Variants in CLEC16A observed in about 807,000 individuals in gnomAD.
CLEC16A encodes the protein C-type lectin domain containing 16A.
In CLEC16A, 51 loss-of-function variants were observed where a neutral mutation model predicts 109.5. The observed-to-expected ratio is 0.47, with a 90% CI of 0.37 to 0.59. The LOEUF (loss-of-function observed/expected upper bound fraction) is 0.59. Ranked by LOEUF, CLEC16A falls within the 20% of genes least tolerant of loss-of-function variation. The pLI, the probability that CLEC16A is intolerant of heterozygous loss-of-function variation, is 0.00. For missense variants in CLEC16A, 1,339 were observed against 1,394.0 expected (o/e 0.96, Z 0.63); for synonymous variants, 673 against 564.2 (o/e 1.19, Z -2.73).
intron 23 of CLEC16A, among the ~76,000 whole-genome samples, chr16:11,175,230 A>G (rs1328319502): frequency 6.6e-6 from 1 of 152,164 alleles, no homozygotes; most frequent in African/African-American, 2.4e-5. Context: ...GGCCAGGCAC[A>G]TGGGGGACCT....
chr16:11,033,387 A>G (rs146120429), intron 13 of CLEC16A, among the ~76,000 whole-genome samples: 9 of 152,154 alleles, frequency 5.9e-5, no homozygotes, highest in African/African-American at 1.7e-4. Context: ...ACTAACAAGC[A>G]TGGGCCTTGG....
chr16:11,095,307 G>T (rs866302594), intron 19 of CLEC16A, among the ~76,000 whole-genome samples: 1 of 152,182 alleles, frequency 6.6e-6, no homozygotes, highest in African/African-American at 2.4e-5. Context: ...CAGGGGTCAC[G>T]GCTGGAAAGG....
chr16:11,165,377 A>G (rs1391993804), intron 22 of CLEC16A, among the ~76,000 whole-genome samples: 2 of 152,080 alleles, frequency 1.3e-5, no homozygotes, highest in Admixed American at 6.5e-5. Flanking sequence ...CTGTAGTCCC[A>G]GCTGCTCAAG....
intron 18 of CLEC16A, among the ~76,000 whole-genome samples, chr16:11,058,051 G>C (rs1433887783): frequency 2.0e-5 from 3 of 152,204 alleles, no homozygotes; most frequent in African/African-American, 7.2e-5. Context: ...GCTTTCTTTT[G>C]TGAATTTACA....
At chr16:11,135,104 C>G (rs2053479741) in intron 22 of CLEC16A, among the ~76,000 whole-genome samples, 1 of 152,240 alleles carries the variant, frequency 6.6e-6, no homozygotes, top group Non-Finnish European at 1.5e-5. Context: ...AAAATCCTGC[C>G]TGAACAAAAG....
intron 11 of CLEC16A, among the ~76,000 whole-genome samples, chr16:11,012,061 G>A: frequency 6.6e-6 from 1 of 151,978 alleles, no homozygotes; most frequent in South Asian, 2.1e-4. Flanking sequence ...CCCATATAGA[G>A]GATATATAGC....
intron 10 of CLEC16A, among the ~76,000 whole-genome samples, chr16:10,993,920 G>A (rs1447759277): frequency 1.3e-5 from 2 of 152,222 alleles, no homozygotes; most frequent in Non-Finnish European, 2.9e-5. Context: ...GATGGGGAAG[G>A]CAAGGGAGAG....
intron 19 of CLEC16A, among the ~76,000 whole-genome samples, chr16:11,115,427 A>C (rs1377802758): frequency 6.6e-6 from 1 of 152,146 alleles, no homozygotes; most frequent in Non-Finnish European, 1.5e-5. Flanking sequence ...ACCGGAGTTC[A>C]GTGGTGTGAT....
At chr16:11,046,110 A>G (rs2047621728) in intron 16 of CLEC16A, among the ~76,000 whole-genome samples, 1 of 152,178 alleles carries the variant, frequency 6.6e-6, no homozygotes, top group East Asian at 1.9e-4. Flanking sequence ...TGCATTAGTC[A>G]TCTTTGAACC....
At chr16:11,027,734 C>T (rs184461194) in intron 13 of CLEC16A, 414 of 1,562,234 alleles carry the variant, frequency 2.7e-4, no homozygotes, top group Non-Finnish European at 1.4e-5. Flanking sequence ...GGGGTGAACG[C>T]ATCAATCAGC....
intron 7 of CLEC16A, 34 bp from the exon 8 acceptor site, chr16:10,977,191 G>C (rs1457262944): frequency 1.2e-6 from 2 of 1,600,544 alleles, no homozygotes; most frequent in African/African-American, 2.7e-5. Context: ...CCTAGTGTTG[G>C]CCTCCAGGCT....
At chr16:11,095,689 G>A (rs1597370194) in intron 19 of CLEC16A, among the ~76,000 whole-genome samples, 2 of 152,152 alleles carry the variant, frequency 1.3e-5, no homozygotes, top group East Asian at 3.9e-4. Flanking sequence ...GCAGGCTCCT[G>A]TAATCCCAGC....
intron 19 of CLEC16A, among the ~76,000 whole-genome samples, chr16:11,084,796 A>G (rs1288551746): frequency 6.6e-6 from 1 of 152,166 alleles, no homozygotes; most frequent in Non-Finnish European, 1.5e-5. Context: ...TCCCCTGAAA[A>G]AGCCTGCCCT....
At chr16:10,962,137 G>A (rs1362032166) in intron 2 of CLEC16A, among the ~76,000 whole-genome samples, 1 of 151,706 alleles carries the variant, frequency 6.6e-6, no homozygotes. Context: ...CTCTGTAGAG[G>A]TAGGGGTCTT....
chr16:10,988,370 G>A (rs1010648404), intron 10 of CLEC16A, among the ~76,000 whole-genome samples: 2 of 152,094 alleles, frequency 1.3e-5, no homozygotes, highest in East Asian at 1.9e-4. Context: ...GCACTGGAAC[G>A]ACCTGACCCC....
chr16:11,042,901 ATAAT>A (rs1381824083), intron 15 of CLEC16A, among the ~76,000 whole-genome samples: 2 of 149,784 alleles, frequency 1.3e-5, no homozygotes, highest in South Asian at 2.1e-4. Flanking sequence ...TTATAAGCAA[ATAAT>A]TATATATATA....
chr16:11,112,399 C>T (rs1348924295), intron 19 of CLEC16A, among the ~76,000 whole-genome samples: 1 of 149,262 alleles, frequency 6.7e-6, no homozygotes, highest in African/African-American at 2.5e-5. Flanking sequence ...GTGGCTCACA[C>T]CTATAATCCC....
intron 23 of CLEC16A, among the ~76,000 whole-genome samples, chr16:11,173,985 G>T (rs1338659697): frequency 6.6e-6 from 1 of 152,110 alleles, no homozygotes; most frequent in Admixed American, 6.5e-5. Flanking sequence ...TGCATGGGGG[G>T]CCAGCGCCCC....
chr16:11,062,459 G>A (rs148318517), intron 19 of CLEC16A, among the ~76,000 whole-genome samples: 78 of 152,220 alleles, frequency 5.1e-4, no homozygotes, highest in African/African-American at 1.7e-3. Context: ...CCTGTAAAAC[G>A]AGATGGTCTT....
Sources: gnomAD v4.1 joint callset for allele counts (sites outside exome capture counted in the v4.1 genomes callset) on GRCh38, gnomAD v4.1.1 for gene constraint, MANE v1.5 for transcripts, NCBI Gene and HGNC (gene_info 2026-07-23, HGNC 2026-07-21) for gene names.